TNFSF4: variants seen among roughly 807,000 people sequenced by gnomAD.
The protein encoded by TNFSF4 is tumor necrosis factor ligand superfamily member 4.
Under a neutral mutation model 7.3 loss-of-function variants are expected in TNFSF4, and 4 were observed. The observed-to-expected ratio is 0.55, with a 90% CI of 0.27 to 1.25. The LOEUF is 1.25. Among genes scored for constraint, TNFSF4 ranks in the 50% most tolerant of loss-of-function variants. TNFSF4 has a pLI of 0.12. For missense variants in TNFSF4, 181 were observed against 208.8 expected (o/e 0.87, Z 0.82); for synonymous variants, 76 against 83.7 (o/e 0.91, Z 0.50).
the TNFSF4 span, among the ~76,000 whole-genome samples, chr1:173,328,967 T>C: frequency 6.6e-6 from 1 of 152,160 alleles, no homozygotes; most frequent in Non-Finnish European, 1.5e-5. Context: ...CTATTGAAAA[T>C]TGCCTTCTAT....
chr1:173,207,889 T>C (rs998300344), upstream of TNFSF4, among the ~76,000 whole-genome samples: 1 of 152,248 alleles, frequency 6.6e-6, no homozygotes, highest in African/African-American at 2.4e-5. Context: ...CTGTGTTAGA[T>C]GGACTTGCAA....
At chr1:173,223,811 G>A in the TNFSF4 span, among the ~76,000 whole-genome samples, 3 of 152,160 alleles carry the variant, frequency 2.0e-5, no homozygotes, top group Admixed American at 6.5e-5. Flanking sequence ...ATCACGCCTC[G>A]TATCTTGTTC....
At chr1:173,440,148 G>T in the TNFSF4 span, among the ~76,000 whole-genome samples, 1 of 152,166 alleles carries the variant, frequency 6.6e-6, no homozygotes, top group Admixed American at 6.5e-5. Flanking sequence ...CTGAGTCTGG[G>T]AAAGACCTTC....
chr1:173,379,239 C>T, the TNFSF4 span, among the ~76,000 whole-genome samples: 1 of 152,156 alleles, frequency 6.6e-6, no homozygotes, highest in Non-Finnish European at 1.5e-5. Context: ...AAGCCGTCCC[C>T]AGTATGGATC....
At chr1:173,401,373 GA>G in the TNFSF4 span, among the ~76,000 whole-genome samples, 1 of 152,198 alleles carries the variant, frequency 6.6e-6, no homozygotes, top group African/African-American at 2.4e-5. Flanking sequence ...CTGGATCACA[GA>G]AGCTCAGATA....
At chr1:173,438,455 G>A in the TNFSF4 span, among the ~76,000 whole-genome samples, 1 of 151,938 alleles carries the variant, frequency 6.6e-6, no homozygotes, top group African/African-American at 2.4e-5. Context: ...GATTTAAAGT[G>A]TACTTCTTTG....
the TNFSF4 span, among the ~76,000 whole-genome samples, chr1:173,373,537 CT>C: frequency 6.6e-6 from 1 of 152,338 alleles, no homozygotes; most frequent in African/African-American, 2.4e-5. Context: ...CTCCACCAAA[CT>C]TTTCACACGG....
the TNFSF4 span, among the ~76,000 whole-genome samples, chr1:173,372,514 C>G: frequency 6.6e-6 from 1 of 152,200 alleles, no homozygotes; most frequent in Non-Finnish European, 1.5e-5. Context: ...ACCCCACAAC[C>G]AGTGGCATAC....
the TNFSF4 span, among the ~76,000 whole-genome samples, chr1:173,247,243 T>C: frequency 1.3e-5 from 2 of 152,220 alleles, no homozygotes; most frequent in South Asian, 2.1e-4. Context: ...TAGCACTGGA[T>C]AACCCTTAAC....
chr1:173,230,153 C>A, the TNFSF4 span, among the ~76,000 whole-genome samples: 1 of 152,212 alleles, frequency 6.6e-6, no homozygotes, highest in African/African-American at 2.4e-5. Context: ...CCACACCACA[C>A]TTATTCCAAA....
chr1:173,244,352 C>T, the TNFSF4 span, among the ~76,000 whole-genome samples: 38 of 152,252 alleles, frequency 2.5e-4, no homozygotes, highest in South Asian at 1.0e-3. Flanking sequence ...ACTATTAAAA[C>T]ATAAACCCGG....
the TNFSF4 span, among the ~76,000 whole-genome samples, chr1:173,429,384 C>A: frequency 2.6e-5 from 4 of 152,130 alleles, no homozygotes; most frequent in Admixed American, 6.5e-5. Context: ...GAAAAAGTAA[C>A]CAGAATTCTT....
At chr1:173,332,463 G>A in the TNFSF4 span, among the ~76,000 whole-genome samples, 39 of 151,554 alleles carry the variant, frequency 2.6e-4, no homozygotes, top group South Asian at 3.3e-3. Context: ...CCCAGGAGGC[G>A]GAGGATGCAG....
At chr1:173,360,843 T>G in the TNFSF4 span, among the ~76,000 whole-genome samples, 1 of 152,176 alleles carries the variant, frequency 6.6e-6, no homozygotes, top group Non-Finnish European at 1.5e-5. Flanking sequence ...AGAACAAGGC[T>G]GCAAGAAAAG....
the TNFSF4 span, among the ~76,000 whole-genome samples, chr1:173,245,503 C>T: frequency 2.0e-5 from 3 of 152,232 alleles, no homozygotes; most frequent in African/African-American, 4.8e-5. Flanking sequence ...TGGGGTACAG[C>T]GTGATGTTTC....
the TNFSF4 span, among the ~76,000 whole-genome samples, chr1:173,306,251 T>C: frequency 1.3e-5 from 2 of 151,932 alleles, no homozygotes; most frequent in East Asian, 3.9e-4. Context: ...TCTAATCAAG[T>C]ATAGTAATTA....
At chr1:173,362,820 C>A in the TNFSF4 span, 1 of 428,446 alleles carries the variant, frequency 2.3e-6, no homozygotes, top group South Asian at 2.1e-5. Flanking sequence ...TCATTAGATG[C>A]AATGCAAGAC....
the TNFSF4 span, among the ~76,000 whole-genome samples, chr1:173,373,008 A>C: frequency 1.3e-5 from 2 of 152,254 alleles, no homozygotes; most frequent in African/African-American, 4.8e-5. Context: ...TCCCCCAGGG[A>C]CCAGCACCCA....
chr1:173,343,100 C>G, the TNFSF4 span, among the ~76,000 whole-genome samples: 1 of 152,208 alleles, frequency 6.6e-6, no homozygotes, highest in Admixed American at 6.5e-5. Context: ...ATCTCCCAAT[C>G]TTTCATTCAT....
Sources: gnomAD v4.1 joint callset for allele counts (sites outside exome capture counted in the v4.1 genomes callset) on GRCh38, gnomAD v4.1.1 for gene constraint, MANE v1.5 for transcripts, NCBI Gene and HGNC (gene_info 2026-07-23, HGNC 2026-07-21) for gene names.